RBBP8: variants seen among roughly 807,000 people sequenced by gnomAD.
RBBP8 encodes RB binding protein 8, endonuclease, also known as DNA endonuclease RBBP8.
RBBP8 carries 88 observed loss-of-function variants against 108.3 expected under a neutral mutation model. That is an observed-to-expected ratio of 0.81 (90% confidence interval 0.68 to 0.97). The LOEUF (loss-of-function observed/expected upper bound fraction) is 0.97, where lower values mean the gene tolerates loss of function less well. Among genes scored for constraint, RBBP8 ranks in the 50% least tolerant of loss-of-function variants. The pLI is 0.00. For synonymous variants in RBBP8, 332 were observed against 348.2 expected (o/e 0.95, Z 0.52); for missense variants, 1,023 against 1,049.0 (o/e 0.98, Z 0.34).
chr18:22,941,640 G>T lies in RBBP8; in HGVS notation c.109+4680G>T, dbSNP rs566661759. Among the ~76,000 whole-genome samples, 127 of 152,042 alleles carry T rather than the reference G, an allele frequency of 8.4e-4. No homozygotes were observed. In the Middle Eastern group the frequency reaches 0.017, roughly 20 times the overall value. ...AATATGCCATATTTATCAAATTATA[G>T]AATATATAAAGCTTGCAAATATTAT... On this transcript the variant is annotated intron_variant, in intron 2 of 18. Coordinates refer to ENST00000327155, the MANE Select transcript of RBBP8 (RefSeq NM_002894.3).
intron 1 of RBBP8, among the ~76,000 whole-genome samples, chr18:22,935,693 C>A (rs1268386122): frequency 1.3e-5 from 2 of 152,154 alleles, no homozygotes; most frequent in African/African-American, 4.8e-5. Context: ...ACTTGCTGAT[C>A]ACTATTACTT....
chr18:22,994,179 G>A (rs1384561294), intron 12 of RBBP8, among the ~76,000 whole-genome samples: 3 of 148,580 alleles, frequency 2.0e-5, no homozygotes, highest in East Asian at 4.0e-4. Flanking sequence ...CACCATGCCC[G>A]GCTAATTTTT....
chr18:22,956,657 A>G (rs1305463625), intron 4 of RBBP8, among the ~76,000 whole-genome samples: 1 of 152,182 alleles, frequency 6.6e-6, no homozygotes, highest in Non-Finnish European at 1.5e-5. Flanking sequence ...AAATTTCTGA[A>G]CAGTAATTCA....
intron 3 of RBBP8, among the ~76,000 whole-genome samples, chr18:22,925,345 G>A (rs191998772): frequency 3.9e-5 from 6 of 152,264 alleles, no homozygotes; most frequent in African/African-American, 1.4e-4. Flanking sequence ...TTTAAGTACT[G>A]AACGTTGAAC....
intron 16 of RBBP8, among the ~76,000 whole-genome samples, chr18:23,008,769 ATTTTT>A (rs71161355): frequency 2.0e-5 from 2 of 100,014 alleles, no homozygotes; most frequent in East Asian, 6.0e-4. Context: ...TATGACTTTG[ATTTTT>A]TTTTTTTTTT....
At chr18:22,918,565 AAAC>A (rs1363546202) in intron 3 of RBBP8, among the ~76,000 whole-genome samples, 5 of 152,226 alleles carry the variant, frequency 3.3e-5, no homozygotes, top group Non-Finnish European at 7.3e-5. Flanking sequence ...CTGCTGATCA[AAAC>A]ACTGCTATTC....
chr18:22,946,366 T>G (rs1598646476), intron 2 of RBBP8, 78 bp from the exon 3 acceptor site: 1 of 1,581,102 alleles, frequency 6.3e-7, no homozygotes, highest in East Asian at 2.3e-5. Flanking sequence ...GAGGCCAGAC[T>G]GATGTGACTT....
intron 15 of RBBP8, among the ~76,000 whole-genome samples, chr18:23,003,057 C>G (rs1277410623): frequency 6.6e-6 from 1 of 152,206 alleles, no homozygotes; most frequent in Non-Finnish European, 1.5e-5. Flanking sequence ...CTTAGCTTTT[C>G]TGACGATGCT....
At chr18:22,920,847 G>C (rs1192798514) in intron 3 of RBBP8, 1 of 152,154 alleles carries the variant, frequency 6.6e-6, no homozygotes, top group East Asian at 1.9e-4. Flanking sequence ...GATCCTAGGA[G>C]AGCAGCAAGA....
chr18:22,924,653 G>A, intron 3 of RBBP8, among the ~76,000 whole-genome samples: 1 of 151,926 alleles, frequency 6.6e-6, no homozygotes, highest in East Asian at 1.9e-4. Flanking sequence ...AAACTTCTGG[G>A]CTCAAGTGAT....
chr18:22,959,668 G>T (rs150076016), intron 4 of RBBP8, among the ~76,000 whole-genome samples: 125 of 151,580 alleles, frequency 8.2e-4, no homozygotes, highest in African/African-American at 2.7e-3. Flanking sequence ...TGACAATCAC[G>T]TACGTAATAT....
intron 3 of RBBP8, among the ~76,000 whole-genome samples, chr18:22,919,654 C>T (rs916246784): frequency 6.6e-6 from 1 of 152,104 alleles, no homozygotes; most frequent in Admixed American, 6.5e-5. Context: ...CAGGTTCAAG[C>T]GATTCTCCTG....
chr18:23,013,775 G>T (rs1209160908), intron 16 of RBBP8, among the ~76,000 whole-genome samples: 1 of 152,210 alleles, frequency 6.6e-6, no homozygotes, highest in Non-Finnish European at 1.5e-5. Context: ...AGAAGGAGCT[G>T]TTGTCATCTT....
chr18:22,993,348 A>AG lies in RBBP8; in HGVS notation c.1523dup (p.Ser509LysfsTer2). On this transcript the variant is annotated frameshift_variant, in exon 11 of 19. Coordinates refer to ENST00000327155, the MANE Select transcript of RBBP8 (RefSeq NM_002894.3). LOFTEE classifies it high-confidence loss of function. Reference sequence around the variant, plus strand: ...CTATTCAGCGTCAAGAGAAAAGCCAAGGAAGTGAGACTTCTAAAAACAAAT... The same window carrying AG: ...CTATTCAGCGTCAAGAGAAAAGCCAAGGGAAGTGAGACTTCTAAAAACAAAT... 1 of 1,614,274 alleles carries AG rather than the reference A, an allele frequency of 6.2e-7. No homozygotes were observed. The highest frequency in any genetic ancestry group is 8.5e-7 in the Non-Finnish European group (1 of 1,180,044).
chr18:22,972,459 G>C (rs1914180380), intron 5 of RBBP8, among the ~76,000 whole-genome samples: 1 of 148,368 alleles, frequency 6.7e-6, no homozygotes, highest in South Asian at 2.1e-4. Flanking sequence ...TGTCTCCTAG[G>C]CTGGAGTGCA....
At chr18:23,006,494 TTCTC>T (rs1056058771) in intron 16 of RBBP8, 62 bp downstream of exon 16, 9 of 1,347,708 alleles carry the variant, frequency 6.7e-6, no homozygotes, top group South Asian at 1.2e-5. Context: ...TGTCTTTTAT[TTCTC>T]TCTCTTTTTT....
rs547407536 is a variant in RBBP8, at chr18:23,006,557, A to G, written c.2357+125A>G. The G allele has an allele frequency of 3.5e-4, 291 of 832,874 alleles. No individual in the cohort carries two copies. The Middle Eastern group carries it at 5.0e-3, about 14-fold the overall frequency. 51.6% of individuals were successfully genotyped at this position (832,874 alleles called of 1,614,324 possible). ...TGCTCTGTCACCCAGGCTAGAGTGC[A>G]ATGGCGTAAACTCAGCTCACTGCAA... On this transcript the variant is annotated intron_variant, in intron 16 of 18. Transcript: ENST00000327155.
At chr18:22,935,297 GA>G in intron 1 of RBBP8, among the ~76,000 whole-genome samples, 1 of 143,128 alleles carries the variant, frequency 7.0e-6, no homozygotes, top group East Asian at 2.1e-4. Flanking sequence ...GTTTTTGCTG[GA>G]TTTTTTTTTT....
intron 2 of RBBP8, among the ~76,000 whole-genome samples, chr18:22,940,268 GT>G (rs1910964404): frequency 6.6e-6 from 1 of 150,498 alleles, no homozygotes; most frequent in South Asian, 2.1e-4. Context: ...TAACAATATT[GT>G]TTTGTAGTCC....
Sources: allele counts gnomAD v4.1 joint callset (sites outside exome capture counted in the v4.1 genomes callset), GRCh38; gene constraint gnomAD v4.1.1; transcripts MANE v1.5; gene names NCBI Gene and HGNC (gene_info 2026-07-23, HGNC 2026-07-21).